Variants in GPC6 observed in about 807,000 individuals in gnomAD.
GPC6 encodes glypican-6.
A neutral mutation model predicts 55.2 loss-of-function variants in GPC6; 14 were observed. The ratio of observed to expected loss-of-function variants is 0.25; its 90% CI spans 0.17 to 0.40. GPC6 has a LOEUF of 0.40. GPC6 is among the 10% of genes least tolerant of loss of function. GPC6 has a pLI of 1.00. For synonymous variants in GPC6, 278 were observed against 259.6 expected (o/e 1.07, Z -0.68); for missense variants, 641 against 708.5 (o/e 0.90, Z 1.08).
At chr13:93,255,536 T>G (rs1244287673) in intron 1 of GPC6, among the ~76,000 whole-genome samples, 1 of 152,190 alleles carries the variant, frequency 6.6e-6, no homozygotes, top group African/African-American at 2.4e-5. Flanking sequence ...TCCCCCTACA[T>G]GGAATTCAAG....
At chr13:93,656,327 C>T (rs1353653110) in intron 2 of GPC6, among the ~76,000 whole-genome samples, 2 of 151,914 alleles carry the variant, frequency 1.3e-5, no homozygotes, top group African/African-American at 4.8e-5. Context: ...AAATGATTAC[C>T]AAACTAAAAT....
At chr13:93,485,531 G>T (rs1879673638) in intron 1 of GPC6, among the ~76,000 whole-genome samples, 1 of 152,126 alleles carries the variant, frequency 6.6e-6, no homozygotes, top group Admixed American at 6.6e-5. Flanking sequence ...ATTATTAATA[G>T]CTCTCTGTAC....
chr13:93,407,079 G>A (rs762542879), intron 1 of GPC6, among the ~76,000 whole-genome samples: 8 of 152,092 alleles, frequency 5.3e-5, no homozygotes, highest in Non-Finnish European at 1.0e-4. Flanking sequence ...TTGTATCACT[G>A]TATTGTATCA....
chr13:94,092,919 G>A (rs1440980733), intron 4 of GPC6, among the ~76,000 whole-genome samples: 2 of 152,022 alleles, frequency 1.3e-5, no homozygotes, highest in Non-Finnish European at 2.9e-5. Context: ...CCATTTGTAT[G>A]TCTTCTTTTG....
At chr13:94,061,764 G>T (rs1486517098) in intron 4 of GPC6, among the ~76,000 whole-genome samples, 1 of 150,888 alleles carries the variant, frequency 6.6e-6, no homozygotes, top group Non-Finnish European at 1.5e-5. Flanking sequence ...GTTGATGTAT[G>T]ACATCCATCG....
At chr13:93,518,347 A>G (rs1881283651) in intron 1 of GPC6, among the ~76,000 whole-genome samples, 1 of 151,618 alleles carries the variant, frequency 6.6e-6, no homozygotes, top group Admixed American at 6.6e-5. Context: ...CTGAGCACAG[A>G]TGGGCCTTAA....
intron 1 of GPC6, among the ~76,000 whole-genome samples, chr13:93,451,407 G>T (rs564884765): frequency 6.6e-6 from 1 of 152,336 alleles, no homozygotes; most frequent in Admixed American, 6.5e-5. Context: ...CTGCTGTCTG[G>T]TTTTGTGTGG....
In GPC6 at chr13:93,555,358, C is replaced by T. The variant is rs552479115; in HGVS notation, c.319+9937C>T. 5.9e-5 allele frequency among the ~76,000 whole-genome samples: 9 copies of T among 152,290 alleles called. No homozygotes were observed. In the South Asian group the frequency reaches 1.9e-3, roughly 32 times the overall value. ...AGGTCTCCTCTTTCTATTTTATCTT[C>T]CTATACCTGACTTAATATGAAGTAT... On this transcript the variant is annotated intron_variant, in intron 2 of 8. Transcript: ENST00000377047.
In GPC6 at chr13:93,388,353, C is replaced by A. The variant is rs1875484452; in HGVS notation, c.161-156910C>A. Among the ~76,000 whole-genome samples, 4 of 152,284 alleles carry A rather than the reference C, an allele frequency of 2.6e-5. No individual in the cohort carries two copies. The South Asian group carries it at 8.3e-4, about 32-fold the overall frequency. The stretch of plus-strand genomic sequence containing the variant: ...TCTTTCTGGGTCTCAGTGTGCCTGG[C>A]CCATGACCTTACCCAAGGAGGGCTC... On this transcript the variant is annotated intron_variant, in intron 1 of 8. Transcript: ENST00000377047.
chr13:93,344,250 A>G (rs1880358743), intron 1 of GPC6, among the ~76,000 whole-genome samples: 1 of 152,212 alleles, frequency 6.6e-6, no homozygotes. Flanking sequence ...CTGAGTGGAA[A>G]ATAAACACAA....
intron 1 of GPC6, among the ~76,000 whole-genome samples, chr13:93,520,544 A>T (rs114755745): frequency 0.94 from 141,784 of 150,778 alleles, 67,231 homozygotes; most frequent in Non-Finnish European, 1. Flanking sequence ...ATAGACTTTA[A>T]AAAAAAAAAA....
chr13:94,077,172 A>G (rs1884945919), intron 4 of GPC6, among the ~76,000 whole-genome samples: 1 of 151,746 alleles, frequency 6.6e-6, no homozygotes, highest in African/African-American at 2.4e-5. Flanking sequence ...AACATTTTGC[A>G]GTTCTCAGTG....
intron 2 of GPC6, among the ~76,000 whole-genome samples, chr13:93,822,795 A>G (rs1887099626): frequency 6.6e-6 from 1 of 151,072 alleles, no homozygotes; most frequent in South Asian, 2.1e-4. Flanking sequence ...TTATGGATCC[A>G]TAGTATTCCA....
chr13:93,653,856 T>C (rs1332549346), intron 2 of GPC6, among the ~76,000 whole-genome samples: 1 of 152,134 alleles, frequency 6.6e-6, no homozygotes, highest in African/African-American at 2.4e-5. Flanking sequence ...AAGAAATTCA[T>C]AAAAATAAGG....
chr13:93,600,541 G>A (rs529848452), intron 2 of GPC6, among the ~76,000 whole-genome samples: 1 of 152,302 alleles, frequency 6.6e-6, no homozygotes, highest in South Asian at 2.1e-4. Flanking sequence ...GATAAGCAGA[G>A]TCTGGTTTTA....
intron 1 of GPC6, among the ~76,000 whole-genome samples, chr13:93,540,675 C>A (rs1054386061): frequency 1.3e-5 from 2 of 152,106 alleles, no homozygotes; most frequent in African/African-American, 4.8e-5. Context: ...TTTATCATTT[C>A]TTTGTGCTGG....
intron 4 of GPC6, among the ~76,000 whole-genome samples, chr13:94,253,639 G>T (rs375747006): frequency 6.6e-6 from 1 of 151,936 alleles, no homozygotes; most frequent in Non-Finnish European, 1.5e-5. Context: ...GTGTGTTTTC[G>T]ATCATAGAAA....
chr13:93,244,533 G>A (rs1172940446), intron 1 of GPC6, among the ~76,000 whole-genome samples: 1 of 152,212 alleles, frequency 6.6e-6, no homozygotes, highest in Admixed American at 6.5e-5. Context: ...GTTGGATTAG[G>A]AGTGTCTTCC....
chr13:94,278,106 T>C (rs532147763), intron 4 of GPC6, among the ~76,000 whole-genome samples: 1 of 152,352 alleles, frequency 6.6e-6, no homozygotes, highest in Admixed American at 6.5e-5. Flanking sequence ...TCCTATCTTA[T>C]TTCCTTGAGC....
Sources: gnomAD v4.1 joint callset for allele counts (sites outside exome capture counted in the v4.1 genomes callset) on GRCh38, gnomAD v4.1.1 for gene constraint, MANE v1.5 for transcripts, NCBI Gene and HGNC (gene_info 2026-07-23, HGNC 2026-07-21) for gene names.